Variants in LHFPL3 observed in about 807,000 individuals in gnomAD.
The protein encoded by LHFPL3 is LHFPL tetraspan subfamily member 3 protein.
Under a neutral mutation model 19.3 loss-of-function variants are expected in LHFPL3, and 5 were observed. That is an observed-to-expected ratio of 0.26 (90% CI 0.14 to 0.54). LHFPL3 has a LOEUF of 0.54. Among genes scored for constraint, LHFPL3 ranks in the 20% least tolerant of loss-of-function variants. LHFPL3 has a pLI of 0.94. For missense variants in LHFPL3, 249 were observed against 307.4 expected, an observed-to-expected ratio of 0.81 and a Z score of 1.42; for synonymous variants, 133 against 126.2, an observed-to-expected ratio of 1.05 and a Z score of -0.36.
rs1269632073 is a variant in LHFPL3 at position 104,336,011 on chromosome 7, A to T, written c.445+6787A>T. 2.6e-5 allele frequency among the ~76,000 whole-genome samples: 4 copies of T among 152,116 alleles called. 1 individual carries two copies. In the South Asian group the frequency reaches 6.2e-4, roughly 24 times the overall value. ...CACGAAGCAAATAACGCTCTAGGAG[A>T]ATTCTACTTTGAGGGCTTAATCTCG... On this transcript the variant is annotated intron_variant, in intron 1 of 2. Transcript: ENST00000424859.
intron 2 of LHFPL3, among the ~76,000 whole-genome samples, chr7:104,739,184 G>A (rs188950748): frequency 1.3e-5 from 2 of 152,284 alleles, no homozygotes; most frequent in Admixed American, 6.5e-5. Flanking sequence ...GGATTTCTAA[G>A]CCTTGTATAA....
chr7:104,529,719 G>A (rs184716334), intron 1 of LHFPL3, among the ~76,000 whole-genome samples: 10 of 152,252 alleles, frequency 6.6e-5, no homozygotes, highest in Middle Eastern at 3.4e-3. Flanking sequence ...GTCAGGAACC[G>A]GGCTGGGCCT....
intron 2 of LHFPL3, among the ~76,000 whole-genome samples, chr7:104,849,524 C>T (rs929078419): frequency 8.0e-5 from 12 of 149,384 alleles, no homozygotes; most frequent in African/African-American, 2.5e-4. Context: ...AAGTCAGTGA[C>T]ATGCGGCAGA....
intron 1 of LHFPL3, among the ~76,000 whole-genome samples, chr7:104,346,119 T>A (rs962867752): frequency 1.8e-4 from 27 of 151,274 alleles, no homozygotes; most frequent in African/African-American, 6.6e-4. Flanking sequence ...CACTGCAACC[T>A]CTGCCTCCCA....
intron 1 of LHFPL3, among the ~76,000 whole-genome samples, chr7:104,519,329 A>G (rs1053296111): frequency 6.6e-6 from 1 of 152,134 alleles, no homozygotes; most frequent in African/African-American, 2.4e-5. Flanking sequence ...GTGATACAGG[A>G]CTGTGAGGAG....
chr7:104,387,691 CATCT>C (rs1215617894), intron 1 of LHFPL3, among the ~76,000 whole-genome samples: 2 of 152,126 alleles, frequency 1.3e-5, no homozygotes, highest in Non-Finnish European at 2.9e-5. Flanking sequence ...TGATGAAAAA[CATCT>C]ATCTAGACAG....
At chr7:104,387,592 A>G (rs1277417200) in intron 1 of LHFPL3, among the ~76,000 whole-genome samples, 2 of 152,148 alleles carry the variant, frequency 1.3e-5, no homozygotes, top group African/African-American at 4.8e-5. Context: ...TATATGCATA[A>G]TGGTACTCTC....
intron 1 of LHFPL3, among the ~76,000 whole-genome samples, chr7:104,626,829 G>T (rs1051978493): frequency 3.9e-5 from 6 of 152,082 alleles, no homozygotes; most frequent in African/African-American, 1.4e-4. Flanking sequence ...CTGCTGCTGT[G>T]CATCTTGAAG....
intron 2 of LHFPL3, among the ~76,000 whole-genome samples, chr7:104,842,268 C>G (rs935314191): frequency 4.7e-5 from 6 of 128,684 alleles, no homozygotes; most frequent in African/African-American, 1.8e-4. Context: ...TCAGCTCCTC[C>G]TCTAGCGGTA....
chr7:104,347,432 GT>G (rs1790092017), intron 1 of LHFPL3, among the ~76,000 whole-genome samples: 1 of 152,124 alleles, frequency 6.6e-6, no homozygotes, highest in Non-Finnish European at 1.5e-5. Context: ...TCTTTTTGGA[GT>G]TAGGGATTGG....
At chr7:104,652,396 T>C (rs1792048855) in intron 1 of LHFPL3, among the ~76,000 whole-genome samples, 1 of 152,148 alleles carries the variant, frequency 6.6e-6, no homozygotes, top group African/African-American at 2.4e-5. Flanking sequence ...GGAATTTCTT[T>C]TTTATTTTAT....
At chr7:104,807,428 AGTT>A (rs1351284537) in intron 2 of LHFPL3, among the ~76,000 whole-genome samples, 2 of 152,046 alleles carry the variant, frequency 1.3e-5, no homozygotes, top group African/African-American at 4.8e-5. Context: ...GATAAATTTC[AGTT>A]GTTTAAGCCA....
chr7:104,704,692 A>G (rs1437038207), intron 1 of LHFPL3, among the ~76,000 whole-genome samples: 1 of 151,520 alleles, frequency 6.6e-6, no homozygotes, highest in African/African-American at 2.4e-5. Context: ...CTAAAGTGCA[A>G]TGGCGTGATC....
At chr7:104,622,988 G>T (rs966015096) in intron 1 of LHFPL3, 1 of 368,826 alleles carries the variant, frequency 2.7e-6, no homozygotes, top group Admixed American at 2.8e-5. Flanking sequence ...TATCCTGGAG[G>T]ATGCTCTCAT....
chr7:104,487,343 A>G (rs561937109), intron 1 of LHFPL3, among the ~76,000 whole-genome samples: 8 of 152,240 alleles, frequency 5.3e-5, no homozygotes, highest in Non-Finnish European at 1.2e-4. Flanking sequence ...CAAGTAAGAT[A>G]ATTATTTACC....
chr7:104,576,271 A>G (rs1484894441), intron 1 of LHFPL3, among the ~76,000 whole-genome samples: 9 of 152,222 alleles, frequency 5.9e-5, no homozygotes, highest in Non-Finnish European at 1.3e-4. Flanking sequence ...GAAGGAAAAC[A>G]TCATCACCGA....
chr7:104,727,567 A>G (rs2116268077), intron 1 of LHFPL3, among the ~76,000 whole-genome samples: 1 of 152,302 alleles, frequency 6.6e-6, no homozygotes. Context: ...AGTAACCCGG[A>G]CCCTAAGCTA....
At chr7:104,368,841 G>A (rs1323336623) in intron 1 of LHFPL3, among the ~76,000 whole-genome samples, 3 of 152,122 alleles carry the variant, frequency 2.0e-5, no homozygotes, top group Admixed American at 2.0e-4. Context: ...GCCAAACATT[G>A]TACCAAGTGC....
At chr7:104,677,417 T>G (rs1027823512) in intron 1 of LHFPL3, among the ~76,000 whole-genome samples, 2 of 151,708 alleles carry the variant, frequency 1.3e-5, no homozygotes, top group Admixed American at 1.3e-4. Context: ...AGTGAAACTA[T>G]ATGGGCTATT....
Sources: gnomAD v4.1 joint callset for allele counts (sites outside exome capture counted in the v4.1 genomes callset) on GRCh38, gnomAD v4.1.1 for gene constraint, MANE v1.5 for transcripts, NCBI Gene and HGNC (gene_info 2026-07-23, HGNC 2026-07-21) for gene names.